Variants in RASGRF2 observed in about 807,000 individuals in gnomAD.
RASGRF2 encodes ras-specific guanine nucleotide-releasing factor 2.
RASGRF2 carries 76 observed loss-of-function variants against 151.0 expected under a neutral mutation model. The ratio of observed to expected loss-of-function variants is 0.50; its 90% CI spans 0.42 to 0.61. RASGRF2 has a LOEUF of 0.61. Among genes scored for constraint, RASGRF2 ranks in the 20% least tolerant of loss-of-function variants. The probability of loss-of-function intolerance (pLI) is 0.00; values close to 1 mark genes in which losing one functional copy is unlikely to be tolerated. For synonymous variants in RASGRF2, 504 were observed against 566.5 expected, an observed-to-expected ratio of 0.89 and a Z score of 1.57; for missense variants, 1,148 against 1,564.6, an observed-to-expected ratio of 0.73 and a Z score of 4.49.
intron 18 of RASGRF2, among the ~76,000 whole-genome samples, chr5:81,183,921 T>A (rs1754970969): frequency 6.6e-6 from 1 of 152,348 alleles, no homozygotes; most frequent in Non-Finnish European, 1.5e-5. Flanking sequence ...AAATCCCTTT[T>A]GGCTATGGAC....
At chr5:81,012,226 C>T (rs184692100) in intron 1 of RASGRF2, among the ~76,000 whole-genome samples, 1 of 152,104 alleles carries the variant, frequency 6.6e-6, no homozygotes, top group African/African-American at 2.4e-5. Flanking sequence ...TAATTTTTTT[C>T]TTGACCTTAT....
intron 18 of RASGRF2, among the ~76,000 whole-genome samples, chr5:81,189,914 A>G (rs571215096): frequency 1.3e-5 from 2 of 151,920 alleles, no homozygotes; most frequent in South Asian, 2.1e-4. Flanking sequence ...GGGTTTCACC[A>G]TATTGACGAG....
intron 23 of RASGRF2, among the ~76,000 whole-genome samples, chr5:81,214,841 A>T (rs963786541): frequency 2.0e-5 from 3 of 152,228 alleles, no homozygotes; most frequent in Admixed American, 2.0e-4. Flanking sequence ...CCCCAGACCA[A>T]TGTCAACAAC....
intron 7 of RASGRF2, 91 bp from the exon 8 acceptor site, chr5:81,085,711 C>T: frequency 6.4e-7 from 1 of 1,551,378 alleles, no homozygotes; most frequent in Non-Finnish European, 8.7e-7. Flanking sequence ...AGAGTAGAGA[C>T]AAGCTTCTCG....
chr5:81,160,682 A>AAATAAT (rs531513005), intron 17 of RASGRF2, among the ~76,000 whole-genome samples: 8,845 of 138,372 alleles, frequency 0.064, 356 homozygotes, highest in African/African-American at 0.098. Context: ...TCTGTCTCAA[A>AAATAAT]AATAATAATA....
At chr5:80,964,626 C>G (rs1313655272) in intron 1 of RASGRF2, among the ~76,000 whole-genome samples, 1 of 152,052 alleles carries the variant, frequency 6.6e-6, no homozygotes, top group African/African-American at 2.4e-5. Context: ...ATCCACTGAG[C>G]AAATCTAGAT....
intron 17 of RASGRF2, among the ~76,000 whole-genome samples, chr5:81,151,677 G>A (rs1754138695): frequency 6.6e-6 from 1 of 152,116 alleles, no homozygotes; most frequent in Non-Finnish European, 1.5e-5. Context: ...TTACTTAAGA[G>A]TTCTTTGAGA....
chr5:81,045,185 C>T (rs1270083673), intron 2 of RASGRF2, among the ~76,000 whole-genome samples: 1 of 152,178 alleles, frequency 6.6e-6, no homozygotes, highest in African/African-American at 2.4e-5. Context: ...TGGGTCATTT[C>T]CAGACACAAT....
chr5:81,083,530 T>A (rs376918228), intron 7 of RASGRF2, among the ~76,000 whole-genome samples: 1 of 152,234 alleles, frequency 6.6e-6, no homozygotes, highest in Non-Finnish European at 1.5e-5. Context: ...TATGGAAACA[T>A]GGAGAAATTG....
At chr5:81,075,750 G>C (rs1296771505) in intron 5 of RASGRF2, among the ~76,000 whole-genome samples, 1 of 152,234 alleles carries the variant, frequency 6.6e-6, no homozygotes, top group Non-Finnish European at 1.5e-5. Flanking sequence ...CATCTAAGTG[G>C]AGATGTCAAG....
chr5:80,960,994 C>A lies in RASGRF2; in HGVS notation c.256C>A (p.Gln86Lys). The A allele has an allele frequency of 6.5e-7, 1 of 1,534,150 alleles. No individual in the cohort carries two copies. The highest frequency in any genetic ancestry group is 1.2e-5 in the South Asian group (1 of 83,202). ...TPAPPRAGAG[Q>K]GGVRDALDKQ... ...CGCGCCACCCAGGGCCGGCGCCGGG[C>A]AGGGAGGCGTCCGAGACGCGCTGGA... is the stretch of plus-strand genomic sequence containing the variant. Residue 86 changes from glutamine to lysine, a missense_variant, in exon 1 of 27, where the codon CAG becomes AAG. Transcript: ENST00000265080. This position sits in a 1 kb window ranked among gnomAD's most constrained non-coding sequence, Gnocchi z 5.5.
chr5:81,123,458 A>G (rs1388568551), intron 15 of RASGRF2, among the ~76,000 whole-genome samples, 184 bp from the exon 16 acceptor site: 3 of 152,194 alleles, frequency 2.0e-5, no homozygotes, highest in African/African-American at 4.8e-5. Context: ...CAGGGTCATC[A>G]AGACAGGGTT....
intron 17 of RASGRF2, among the ~76,000 whole-genome samples, chr5:81,161,614 A>G (rs570310922): frequency 6.6e-6 from 1 of 152,310 alleles, no homozygotes; most frequent in African/African-American, 2.4e-5. Context: ...CATGCTATCT[A>G]CCAGTCATAG....
At chr5:81,003,734 A>C (rs1357025297) in intron 1 of RASGRF2, among the ~76,000 whole-genome samples, 2 of 152,200 alleles carry the variant, frequency 1.3e-5, no homozygotes, top group African/African-American at 4.8e-5. Flanking sequence ...ATATTAATAA[A>C]ATGTTTACTT....
Position 81,061,997 on chromosome 5 carries a change from C to CAA in RASGRF2, c.396-6009_396-6008dup, listed in dbSNP as rs34991044. Among the ~76,000 whole-genome samples the CAA allele has an allele frequency of 4.3e-3, 188 of 43,852 alleles. 6 individuals carry two copies. Among genetic ancestry groups the CAA allele is most frequent in the Middle Eastern group, 0.016 (1 of 62 alleles). 28.8% of individuals were successfully genotyped at this position (43,852 alleles called of 152,430 possible). On this transcript the variant is annotated intron_variant, in intron 2 of 26. Coordinates refer to ENST00000265080, the MANE Select transcript of RASGRF2 (RefSeq NM_006909.3). ...AGCCACCACACCTGATCCCAGCTGA[C>CAA]AAAAAAAAAAAAAAAAAAAAAAAAA...
At chr5:81,112,407 C>T (rs539486331) in intron 13 of RASGRF2, among the ~76,000 whole-genome samples, 123 of 152,272 alleles carry the variant, frequency 8.1e-4, no homozygotes, top group African/African-American at 2.1e-3. Context: ...GGGACTTGAG[C>T]ATCTGTGGAT....
At chr5:81,026,198 CCTTT>C (rs988859855) in intron 1 of RASGRF2, among the ~76,000 whole-genome samples, 1 of 150,906 alleles carries the variant, frequency 6.6e-6, no homozygotes, top group Non-Finnish European at 1.5e-5. Flanking sequence ...CTTTTTCCTT[CCTTT>C]CTTCTTCCTC....
At chr5:80,966,422 A>T (rs1412486902) in intron 1 of RASGRF2, among the ~76,000 whole-genome samples, 3 of 152,204 alleles carry the variant, frequency 2.0e-5, no homozygotes, top group Non-Finnish European at 4.4e-5. Context: ...GATATTTGTT[A>T]AATATCAACA....
At chr5:81,012,476 A>G (rs929355860) in intron 1 of RASGRF2, among the ~76,000 whole-genome samples, 1 of 152,160 alleles carries the variant, frequency 6.6e-6, no homozygotes, top group Non-Finnish European at 1.5e-5. Flanking sequence ...TCTCTGCCTC[A>G]GAGAAGGAGT....
Sources: allele counts gnomAD v4.1 joint callset (sites outside exome capture counted in the v4.1 genomes callset), GRCh38; gene constraint gnomAD v4.1.1; non-coding constraint Gnocchi (gnomAD v3.1); transcripts MANE v1.5; gene names NCBI Gene and HGNC (gene_info 2026-07-23, HGNC 2026-07-21).